The following USP7 variants were observed in gnomAD, a reference collection of about 807,000 sequenced individuals.
The protein encoded by USP7 is ubiquitin specific peptidase 7.
A neutral mutation model predicts 162.9 loss-of-function variants in USP7; 9 were observed. That is an observed-to-expected ratio of 0.06 (90% CI 0.03 to 0.10). The LOEUF is 0.10. Among genes scored for constraint, USP7 ranks in the 10% least tolerant of loss-of-function variants. The pLI is 1.00. For missense variants in USP7, 715 were observed against 1,373.7 expected (o/e 0.52, Z 7.58); for synonymous variants, 562 against 475.9 (o/e 1.18, Z -2.35).
At chr16:8,944,697 G>A (rs1335917459) in intron 1 of USP7, among the ~76,000 whole-genome samples, 1 of 152,206 alleles carries the variant, frequency 6.6e-6, no homozygotes, top group Non-Finnish European at 1.5e-5. Context: ...TGGAGACACA[G>A]ACCACCATTC....
intron 10 of USP7, among the ~76,000 whole-genome samples, chr16:8,911,864 G>C (rs761541410): frequency 6.6e-6 from 1 of 152,152 alleles, no homozygotes; most frequent in Non-Finnish European, 1.5e-5. Context: ...ATGAGGATTG[G>C]GGGGAACAAC....
rs1288481986 is a variant in USP7 at position 8,893,613 on chromosome 16, G to C, written c.*385C>G. The C allele has an allele frequency of 4.9e-6, 1 of 205,876 alleles. No individual in the cohort carries two copies. Among genetic ancestry groups the C allele is most frequent in the Non-Finnish European group, 1.0e-5 (1 of 98,366 alleles). 12.8% of individuals were successfully genotyped at this position (205,876 alleles called of 1,614,324 possible). On this transcript the variant is annotated 3_prime_UTR_variant, in exon 31 of 31. Coordinates refer to ENST00000344836, the MANE Select transcript of USP7 (RefSeq NM_003470.3). ...TCAGACGAGCCTAAACACAAGACTT[G>C]CTAGCTGCAGGGCTGGTGCACGGGA...
chr16:8,921,060 G>A lies in USP7; in HGVS notation c.522+97C>T, dbSNP rs188599081. ...TGTCCAATTTAGAAAGTAAAAATCTGACTCTAAAATCAATAAAGGACTTGA... is the reference window on the plus strand; with the variant it reads ...TGTCCAATTTAGAAAGTAAAAATCTAACTCTAAAATCAATAAAGGACTTGA... On this transcript the variant is annotated intron_variant, in intron 4 of 30. Coordinates refer to ENST00000344836, the MANE Select transcript of USP7 (RefSeq NM_003470.3). The A allele has an allele frequency of 1.3e-3, 1,770 of 1,328,030 alleles. 7 individuals carry two copies. The highest frequency in any genetic ancestry group is 2.4e-3 in the Middle Eastern group (9 of 3,722). 82.3% of individuals were successfully genotyped at this position (1,328,030 alleles called of 1,614,324 possible). A position where few individuals can be genotyped will look rare whatever the true frequency, so the allele number is the denominator to read the frequency against.
chr16:8,925,679 C>A (rs1212152187), intron 2 of USP7, among the ~76,000 whole-genome samples: 1 of 152,126 alleles, frequency 6.6e-6, no homozygotes, highest in Non-Finnish European at 1.5e-5. Context: ...GTGGCACTGC[C>A]CTGACACACA....
intron 1 of USP7, among the ~76,000 whole-genome samples, chr16:8,951,615 A>C (rs1899555295): frequency 6.6e-6 from 1 of 152,210 alleles, no homozygotes; most frequent in African/African-American, 2.4e-5. Context: ...GGCTATACTT[A>C]GGTCTAAAAT....
At chr16:8,905,447 A>G (rs2061844961) in intron 13 of USP7, 116 bp from the exon 14 acceptor site, 1 of 1,299,752 alleles carries the variant, frequency 7.7e-7, no homozygotes, top group Non-Finnish European at 1.1e-6. Context: ...TAGTTGAAAA[A>G]ATATCCATGT....
chr16:8,962,280 T>A (rs1900044615), intron 1 of USP7, among the ~76,000 whole-genome samples: 1 of 152,206 alleles, frequency 6.6e-6, no homozygotes, highest in African/African-American at 2.4e-5. Context: ...AAGAAAACTT[T>A]TTAAAGACCA....
At chr16:8,922,088 C>G (rs572758260) in intron 3 of USP7, among the ~76,000 whole-genome samples, 116 of 152,310 alleles carry the variant, frequency 7.6e-4, no homozygotes, top group Admixed American at 2.5e-3. Flanking sequence ...CTAAAACAAA[C>G]CTAGCCCAAA....
intron 1 of USP7, chr16:8,936,617 T>G (rs1171509576): frequency 1.9e-6 from 3 of 1,558,408 alleles, no homozygotes; most frequent in Non-Finnish European, 2.6e-6. Flanking sequence ...CAGCCATCTC[T>G]GCATGGCTCT....
At chr16:8,932,746 G>A (rs1298567480) in intron 1 of USP7, among the ~76,000 whole-genome samples, 1 of 152,190 alleles carries the variant, frequency 6.6e-6, no homozygotes, top group Non-Finnish European at 1.5e-5. Flanking sequence ...ACAGTGACTG[G>A]CCCTAGAAAG....
chr16:8,955,886 T>C (rs1440505886), intron 1 of USP7, among the ~76,000 whole-genome samples: 1 of 152,096 alleles, frequency 6.6e-6, no homozygotes, highest in Non-Finnish European at 1.5e-5. Context: ...GAATGCCACA[T>C]GGTGTCCCTT....
rs376237187 is a variant in USP7 at position 8,894,534 on chromosome 16, G to C, written c.3202+16C>G. 1.4e-4 allele frequency: 219 copies of C among 1,609,452 alleles called. No homozygotes were observed. The highest frequency in any genetic ancestry group is 1.3e-3 in the Middle Eastern group (6 of 4,496). On this transcript the variant is annotated intron_variant, in intron 30 of 30. Coordinates refer to ENST00000344836, the MANE Select transcript of USP7 (RefSeq NM_003470.3). The stretch of plus-strand genomic sequence containing the variant: ...CTGAAACCCACACCAGCCCCCGGGG[G>C]GGGGAGAACCCTTACCGGGCTGTGG...
In USP7 at chr16:8,920,364, T is replaced by G; in HGVS notation, c.606A>C (p.Gly202=). The change falls in exon 5 of 31, where the codon GGA becomes GGC. Residue 202 remains glycine (G), a synonymous_variant. Coordinates refer to ENST00000344836, the MANE Select transcript of USP7 (RefSeq NM_003470.3). ...EVFVQADAPH[G]VAWDSKKHTG... ...CTGATTAAAGAAAAACTTACGCAAC[T>G]CCATGGGGAGCATCCGCCTGTACAA... 1 of 1,608,074 alleles carries G rather than the reference T, an allele frequency of 6.2e-7. No homozygotes were observed. The highest frequency in any genetic ancestry group is 8.5e-7 in the Non-Finnish European group (1 of 1,178,594).
chr16:8,898,973 TG>T, intron 23 of USP7, 147 bp downstream of exon 23: 1 of 837,824 alleles, frequency 1.2e-6, no homozygotes, highest in Non-Finnish European at 1.9e-6. Context: ...GTGGTCAAGA[TG>T]TGAGTGGTGA....
Position 8,897,391 on chromosome 16 carries a change from C to T in USP7, c.2719-292G>A, listed in dbSNP as rs2061700058. 1.4e-5 allele frequency: 5 copies of T among 361,228 alleles called. No individual in the cohort carries two copies. The East Asian group carries it at 2.7e-4, about 20-fold the overall frequency. The allele number at this position is 361,228 out of a possible 1,614,324, so 22.4% of individuals were successfully genotyped here. A position where few individuals can be genotyped will look rare whatever the true frequency, so the allele number is the denominator to read the frequency against. ...CTCAGGAAATGGTCCCGAGGGGTCA[C>T]CCAGGGCCTTCCCAACTCTCAGCAC... is the stretch of plus-strand genomic sequence containing the variant. On this transcript the variant is annotated intron_variant, in intron 25 of 30. Transcript: ENST00000344836.
At chr16:8,938,160 CACTCCG>C (rs771453890) in intron 1 of USP7, among the ~76,000 whole-genome samples, 2 of 152,112 alleles carry the variant, frequency 1.3e-5, no homozygotes, top group Non-Finnish European at 2.9e-5. Flanking sequence ...ACAGGCACGA[CACTCCG>C]AGAAGGCTGA....
chr16:8,915,845 T>C (rs900413856), intron 8 of USP7, among the ~76,000 whole-genome samples: 6 of 152,222 alleles, frequency 3.9e-5, no homozygotes, highest in African/African-American at 1.4e-4. Context: ...ACTTAACTCG[T>C]AATGGTCCAC....
intron 6 of USP7, among the ~76,000 whole-genome samples, chr16:8,917,952 G>A (rs527838265): frequency 6.6e-6 from 1 of 152,000 alleles, no homozygotes; most frequent in Admixed American, 6.6e-5. Context: ...GCCATGCCCA[G>A]ATAATTTTTT....
chr16:8,920,225 T>C, intron 5 of USP7, 134 bp downstream of exon 5: 2 of 723,472 alleles, frequency 2.8e-6, no homozygotes, highest in East Asian at 2.5e-5. Context: ...GGTGTGACTC[T>C]GTGTGCCACA....
Sources: gnomAD v4.1 joint callset for allele counts (sites outside exome capture counted in the v4.1 genomes callset) on GRCh38, gnomAD v4.1.1 for gene constraint, MANE v1.5 for transcripts, NCBI Gene and HGNC (gene_info 2026-07-23, HGNC 2026-07-21) for gene names.